Variants in DCAF1 observed in about 807,000 individuals in gnomAD.
DCAF1 encodes DDB1 and CUL4 associated factor 1, also known as DDB1- and CUL4-associated factor 1.
DCAF1 carries 15 observed loss-of-function variants against 128.0 expected under a neutral mutation model. That is an observed-to-expected ratio of 0.12 (90% CI 0.08 to 0.18). The LOEUF (loss-of-function observed/expected upper bound fraction) is 0.18. Among genes scored for constraint, DCAF1 ranks in the 10% least tolerant of loss-of-function variants. The probability of loss-of-function intolerance (pLI) is 1.00; values close to 1 mark genes in which losing one functional copy is unlikely to be tolerated. For missense variants in DCAF1, 988 were observed against 1,649.5 expected (o/e 0.60, Z 6.95); for synonymous variants, 610 against 603.0 (o/e 1.01, Z -0.17).
intron 12 of DCAF1, 102 bp downstream of exon 12, chr3:51,429,159 T>C (rs1700160937): frequency 1.2e-5 from 8 of 677,876 alleles, no homozygotes; most frequent in Non-Finnish European, 2.2e-5. Flanking sequence ...ACTCCAACAA[T>C]GGACATAGCA....
At chr3:51,452,133 T>C (rs2107839609) in intron 6 of DCAF1, among the ~76,000 whole-genome samples, 1 of 152,084 alleles carries the variant, frequency 6.6e-6, no homozygotes, top group African/African-American at 2.4e-5. Flanking sequence ...CACTGCAGCG[T>C]CCACCTCCTG....
At position 51,480,768 on chromosome 3, in the gene DCAF1, ATTTGT is replaced by A. The variant is rs1157180459; in HGVS notation, c.110+2946_110+2950del. On this transcript the variant is annotated intron_variant, in intron 3 of 24. Transcript: ENST00000684031. ...GAGGCACCAAACCCAGCACCCCTTG[ATTTGT>A]TTTAATACTCCTATCATTCATGTGT... Among the ~76,000 whole-genome samples, 6 of 152,114 alleles carry A rather than the reference ATTTGT, an allele frequency of 3.9e-5. No individual in the cohort carries two copies. In the South Asian group the frequency reaches 6.2e-4, roughly 16 times the overall value.
intron 9 of DCAF1, among the ~76,000 whole-genome samples, chr3:51,435,254 T>C (rs973672270): frequency 1.3e-5 from 2 of 152,188 alleles, no homozygotes; most frequent in Non-Finnish European, 2.9e-5. Flanking sequence ...CTTCTTCCAC[T>C]GCACCTTGTT....
intron 9 of DCAF1, among the ~76,000 whole-genome samples, chr3:51,436,574 G>A (rs1346903928): frequency 4.6e-5 from 7 of 152,148 alleles, no homozygotes; most frequent in East Asian, 1.9e-4. Context: ...GTTCTAGGAT[G>A]TATTTTTCTT....
At chr3:51,429,495 C>T (rs1553635018) in intron 11 of DCAF1, 25 bp from the exon 12 acceptor site, 2 of 774,222 alleles carry the variant, frequency 2.6e-6, no homozygotes, top group East Asian at 4.9e-5. Context: ...AATATTGGGG[C>T]AAAAGAGGGG....
chr3:51,447,083 A>C (rs1258947393), intron 6 of DCAF1, among the ~76,000 whole-genome samples: 3 of 151,732 alleles, frequency 2.0e-5, no homozygotes, highest in Non-Finnish European at 4.4e-5. Context: ...TCTCCTATAC[A>C]TTACCAAAAG....
chr3:51,399,402 T>C (rs1030464010), intron 24 of DCAF1, among the ~76,000 whole-genome samples: 8 of 152,192 alleles, frequency 5.3e-5, no homozygotes, highest in Admixed American at 3.9e-4. Context: ...CTGCAAATTA[T>C]ATTCCCAAAA....
chr3:51,488,822 G>A (rs917181026), intron 2 of DCAF1, among the ~76,000 whole-genome samples: 9 of 151,792 alleles, frequency 5.9e-5, no homozygotes, highest in African/African-American at 9.7e-5. Flanking sequence ...AAAATTATCC[G>A]GGCGTGGTGG....
At chr3:51,445,967 T>C (rs573102747) in intron 6 of DCAF1, among the ~76,000 whole-genome samples, 8 of 151,904 alleles carry the variant, frequency 5.3e-5, no homozygotes, top group African/African-American at 1.9e-4. Flanking sequence ...CTTTTGCCAG[T>C]GTCTTTTGCT....
chr3:51,468,985 T>A (rs1704435627), intron 4 of DCAF1, among the ~76,000 whole-genome samples: 1 of 152,164 alleles, frequency 6.6e-6, no homozygotes, highest in African/African-American at 2.4e-5. Flanking sequence ...CTGATTTGAG[T>A]TATTGAAGAT....
chr3:51,473,190 C>T (rs780321500), intron 3 of DCAF1, among the ~76,000 whole-genome samples: 2 of 150,008 alleles, frequency 1.3e-5, no homozygotes, highest in Non-Finnish European at 3.0e-5. Flanking sequence ...GCAGGAGAAT[C>T]GCTTGAACCC....
intron 2 of DCAF1, among the ~76,000 whole-genome samples, chr3:51,487,863 TTTA>T (rs1553656138): frequency 1.1e-3 from 164 of 151,782 alleles, no homozygotes; most frequent in African/African-American, 3.9e-3. Flanking sequence ...TATTTATTTA[TTTA>T]TTTATTTATT....
rs1553654033 is a variant in DCAF1 at position 51,483,778 on chromosome 3, C to G, written c.51G>C (p.Leu17=). ...CATGTTCCTTTTCCCACTGCTCCAG[C>G]AGGGTAGTGAGCTCAGCTTTGGAGT... The part of the protein sequence containing the change: ...HVDSKAELTT[L]LEQWEKEHGS... Residue 17 remains leucine, a synonymous_variant, in exon 3 of 25, where the codon CTG becomes CTC. Coordinates refer to ENST00000684031, the MANE Select transcript of DCAF1 (RefSeq NM_001387579.1). The G allele has an allele frequency of 6.2e-6, 10 of 1,613,860 alleles. No homozygotes were observed. Among genetic ancestry groups the G allele is most frequent in the Non-Finnish European group, 6.8e-6 (8 of 1,179,874 alleles).
chr3:51,419,946 G>C lies in DCAF1; in HGVS notation c.3024C>G (p.Ile1008Met). The change falls in exon 15 of 25, where the codon ATC becomes ATG. Residue 1008 changes from isoleucine (I) to methionine (M), a missense_variant. By Grantham distance (10) the Ile-to-Met change is conservative (BLOSUM62 1). Transcript: ENST00000684031. ...CATGTTGTTCTCTAAGATACTCTGT[G>C]ATTATACTGTCCAGCGTAGGTGGGG... ...LPSPPTLDSI[I>M]TEYLREQHAR... 6.2e-7 allele frequency: 1 copy of C among 1,614,048 alleles called. No individual in the cohort carries two copies. The highest frequency in any genetic ancestry group is 8.5e-7 in the Non-Finnish European group (1 of 1,179,910).
intron 13 of DCAF1, among the ~76,000 whole-genome samples, chr3:51,423,714 G>A (rs960068809): frequency 4.0e-5 from 6 of 151,494 alleles, no homozygotes; most frequent in African/African-American, 1.5e-4. Flanking sequence ...AGCTACTCAG[G>A]AGGCTGAGGC....
chr3:51,439,096 T>A (rs1186096734), intron 9 of DCAF1, among the ~76,000 whole-genome samples: 1 of 152,172 alleles, frequency 6.6e-6, no homozygotes, highest in Non-Finnish European at 1.5e-5. Context: ...CCCTCCTATG[T>A]TTAGCCCCTG....
chr3:51,493,216 C>T (rs782447057), intron 2 of DCAF1, among the ~76,000 whole-genome samples: 2 of 151,582 alleles, frequency 1.3e-5, no homozygotes, highest in African/African-American at 4.8e-5. Flanking sequence ...GAGGCCAAGG[C>T]GGGCAGATCT....
chr3:51,405,006 C>T (rs2090003597), intron 23 of DCAF1, among the ~76,000 whole-genome samples: 1 of 152,214 alleles, frequency 6.6e-6, no homozygotes, highest in South Asian at 2.1e-4. Flanking sequence ...CATCCAAGTG[C>T]TTACCAGATT....
At chr3:51,492,208 G>A (rs1170010977) in intron 2 of DCAF1, among the ~76,000 whole-genome samples, 5 of 151,674 alleles carry the variant, frequency 3.3e-5, no homozygotes, top group African/African-American at 9.7e-5. Context: ...ACAAAACAGC[G>A]AAGTTGGATC....
Sources: gnomAD v4.1 joint callset for allele counts (sites outside exome capture counted in the v4.1 genomes callset) on GRCh38, gnomAD v4.1.1 for gene constraint, MANE v1.5 for transcripts, NCBI Gene and HGNC (gene_info 2026-07-23, HGNC 2026-07-21) for gene names.